Variants in RPH3A observed in about 807,000 individuals in gnomAD.
RPH3A encodes rabphilin-3A.
RPH3A carries 48 observed loss-of-function variants against 102.2 expected under a neutral mutation model. The ratio of observed to expected loss-of-function variants is 0.47; its 90% CI spans 0.37 to 0.60. RPH3A has a LOEUF of 0.60. Ranked by LOEUF, RPH3A falls within the 20% of genes least tolerant of loss-of-function variation. RPH3A has a pLI of 0.00. For missense variants in RPH3A, 781 were observed against 910.1 expected (o/e 0.86, Z 1.83); for synonymous variants, 310 against 324.3 (o/e 0.96, Z 0.47).
intron 5 of RPH3A, among the ~76,000 whole-genome samples, chr12:112,854,188 C>T (rs1416077538): frequency 6.6e-6 from 1 of 152,204 alleles, no homozygotes; most frequent in Non-Finnish European, 1.5e-5. Flanking sequence ...GTTTAATTCC[C>T]TACCCAGTTG....
chr12:112,865,610 G>A, intron 6 of RPH3A, 67 bp downstream of exon 6: 1 of 1,535,806 alleles, frequency 6.5e-7, no homozygotes, highest in Non-Finnish European at 8.8e-7. Flanking sequence ...CTAGGCTCCA[G>A]CTGTAGGGGT....
At chr12:112,595,493 A>G (rs2039510029) in intron 1 of RPH3A, among the ~76,000 whole-genome samples, 1 of 152,162 alleles carries the variant, frequency 6.6e-6, no homozygotes, top group African/African-American at 2.4e-5. Flanking sequence ...ACAACTTCCA[A>G]GCCCTCTCCC....
chr12:112,712,608 A>G lies in RPH3A; in HGVS notation c.-139-79535A>G, dbSNP rs181407980. Among the ~76,000 whole-genome samples the G allele has an allele frequency of 1.4e-3, 212 of 152,032 alleles. 1 individual carries two copies. Among genetic ancestry groups the G allele is most frequent in the African/African-American group, 4.6e-3 (190 of 41,446 alleles). ...CCAATCACATGTCCCTCATGCCCCG[A>G]CCAGAGGTAGCCTGCATTATGAATT... On this transcript the variant is annotated intron_variant, in intron 1 of 21. Coordinates refer to the RPH3A transcript ENST00000543106.
chr12:112,587,779 T>C (rs2039449169), intron 1 of RPH3A, among the ~76,000 whole-genome samples: 1 of 152,218 alleles, frequency 6.6e-6, no homozygotes, highest in Admixed American at 6.5e-5. Context: ...CTGTGTTTAG[T>C]GCACGGAAAA....
intron 1 of RPH3A, among the ~76,000 whole-genome samples, chr12:112,761,028 C>T (rs144301121): frequency 6.6e-6 from 1 of 152,018 alleles, no homozygotes; most frequent in Non-Finnish European, 1.5e-5. Flanking sequence ...CTGGGTCATA[C>T]AAATAATTAG....
Position 112,713,041 on chromosome 12 carries a change from T to C in RPH3A, c.-139-79102T>C, listed in dbSNP as rs61044487. Among the ~76,000 whole-genome samples, 47 of 83,750 alleles carry C rather than the reference T, an allele frequency of 5.6e-4. 2 individuals are homozygous for C. Among genetic ancestry groups the C allele is most frequent in the African/African-American group, 1.6e-3 (26 of 16,408 alleles). 54.9% of individuals were successfully genotyped at this position (83,750 alleles called of 152,430 possible). A position where few individuals can be genotyped will look rare whatever the true frequency, so the allele number is the denominator to read the frequency against. On this transcript the variant is annotated intron_variant, in intron 1 of 21. Transcript: ENST00000543106. ...CCTCTTCCTCTTCTTCTTCTTCTTC[T>C]TCTTCTTCTCCTTCTTCTTCTTCTT...
intron 2 of RPH3A, among the ~76,000 whole-genome samples, chr12:112,801,071 C>G (rs1314973741): frequency 6.6e-6 from 1 of 152,166 alleles, no homozygotes; most frequent in Non-Finnish European, 1.5e-5. Context: ...GGATGACACC[C>G]TGTGAAGTGG....
intron 2 of RPH3A, 128 bp downstream of exon 2, chr12:112,792,391 T>G (rs2041138660): frequency 6.6e-6 from 1 of 152,248 alleles, no homozygotes; most frequent in South Asian, 2.1e-4. Flanking sequence ...ACGACTATGC[T>G]TATTTGCCTA....
chr12:112,809,026 C>A (rs371382986), intron 2 of RPH3A, among the ~76,000 whole-genome samples: 1 of 152,140 alleles, frequency 6.6e-6, no homozygotes, highest in African/African-American at 2.4e-5. Context: ...GACGTTTTAA[C>A]CCTGCCTCCA....
rs540223231 is a variant in RPH3A, at chr12:112,707,980, G to C, written c.-139-84163G>C. Among the ~76,000 whole-genome samples, 48 of 152,356 alleles carry C rather than the reference G, an allele frequency of 3.2e-4. 1 individual carries two copies. Among genetic ancestry groups the C allele is most frequent in the African/African-American group, 1.1e-3 (47 of 41,578 alleles). ...GGAGTTTGGATGGGTAGTGGGCCAAGGTGTTGATTGGTCAAAGAGTACGGG... is the reference window on the plus strand; with the variant it reads ...GGAGTTTGGATGGGTAGTGGGCCAACGTGTTGATTGGTCAAAGAGTACGGG... On this transcript the variant is annotated intron_variant, in intron 1 of 21. Coordinates refer to the RPH3A transcript ENST00000543106.
chr12:112,759,749 T>C (rs1407071241), intron 1 of RPH3A, among the ~76,000 whole-genome samples: 2 of 152,126 alleles, frequency 1.3e-5, no homozygotes, highest in African/African-American at 4.8e-5. Context: ...CTGCTTCTGG[T>C]GTCTTCCTCA....
At chr12:112,727,827 C>T (rs2040605394) in intron 1 of RPH3A, among the ~76,000 whole-genome samples, 1 of 152,094 alleles carries the variant, frequency 6.6e-6, no homozygotes, top group South Asian at 2.1e-4. Context: ...TCACTTAAGC[C>T]AGTTTGAGCA....
At chr12:112,753,768 G>A (rs925564756) in intron 1 of RPH3A, among the ~76,000 whole-genome samples, 5 of 152,170 alleles carry the variant, frequency 3.3e-5, no homozygotes, top group African/African-American at 1.2e-4. Context: ...ATGATTGGCT[G>A]AACAATGGTC....
At chr12:112,647,772 C>T (rs1359126832) in intron 1 of RPH3A, among the ~76,000 whole-genome samples, 1 of 152,072 alleles carries the variant, frequency 6.6e-6, no homozygotes, top group Non-Finnish European at 1.5e-5. Flanking sequence ...GTGCAAAGGC[C>T]CTGAGGCAGT....
At chr12:112,750,843 G>T (rs2136060547) in intron 1 of RPH3A, among the ~76,000 whole-genome samples, 1 of 152,258 alleles carries the variant, frequency 6.6e-6, no homozygotes, top group South Asian at 2.1e-4. Flanking sequence ...TGAGGAGCTA[G>T]GGGTTCTGAG....
intron 2 of RPH3A, among the ~76,000 whole-genome samples, chr12:112,816,743 T>C (rs1593036538): frequency 6.6e-6 from 1 of 152,204 alleles, no homozygotes; most frequent in Admixed American, 6.5e-5. Context: ...ATTTCCATAA[T>C]CCATCATTGT....
chr12:112,811,378 G>C (rs922713144), intron 2 of RPH3A, among the ~76,000 whole-genome samples: 2 of 152,118 alleles, frequency 1.3e-5, no homozygotes, highest in African/African-American at 4.8e-5. Flanking sequence ...TGAACAAATT[G>C]TATCATATGC....
intron 13 of RPH3A, 86 bp from the exon 14 acceptor site, chr12:112,879,033 A>T: frequency 8.3e-7 from 1 of 1,211,106 alleles, no homozygotes; most frequent in Non-Finnish European, 1.2e-6. Context: ...TTCACAGCCC[A>T]GCCTGGGCAT....
At chr12:112,767,857 T>G (rs141742630) in intron 1 of RPH3A, among the ~76,000 whole-genome samples, 21 of 152,268 alleles carry the variant, frequency 1.4e-4, no homozygotes, top group African/African-American at 5.1e-4. Context: ...GAAAGAAACC[T>G]GCTGCAAAAG....
Sources: allele counts gnomAD v4.1 joint callset (sites outside exome capture counted in the v4.1 genomes callset), GRCh38; gene constraint gnomAD v4.1.1; transcripts MANE v1.5; gene names NCBI Gene and HGNC (gene_info 2026-07-23, HGNC 2026-07-21).